Variants in HECA observed in about 807,000 individuals in gnomAD.
The protein encoded by HECA is headcase protein homolog.
Under a neutral mutation model 37.6 loss-of-function variants are expected in HECA, and 13 were observed. The ratio of observed to expected loss-of-function variants is 0.35; its 90% CI spans 0.23 to 0.55. The LOEUF is 0.55. HECA is among the 20% of genes least tolerant of loss of function. The probability of loss-of-function intolerance (pLI) is 0.90; values close to 1 mark genes in which losing one functional copy is unlikely to be tolerated. For missense variants in HECA, 527 were observed against 701.9 expected (o/e 0.75, Z 2.82); for synonymous variants, 307 against 291.5 (o/e 1.05, Z -0.54).
At chr6:139,151,661 A>G (rs1774652259) in intron 1 of HECA, among the ~76,000 whole-genome samples, 1 of 152,194 alleles carries the variant, frequency 6.6e-6, no homozygotes, top group African/African-American at 2.4e-5. Flanking sequence ...TTTATACTGT[A>G]ATTGAGTTTA....
chr6:139,156,597 G>A (rs1177386894), intron 1 of HECA, among the ~76,000 whole-genome samples: 2 of 152,212 alleles, frequency 1.3e-5, no homozygotes, highest in African/African-American at 2.4e-5. Context: ...GAAATTAGAT[G>A]TGATAAAAGA....
intron 1 of HECA, among the ~76,000 whole-genome samples, chr6:139,138,015 C>G (rs1774471847): frequency 6.6e-6 from 1 of 152,076 alleles, no homozygotes. Context: ...GTGAAGTCTT[C>G]GTGAATGATT....
At chr6:139,139,480 A>G (rs1774488435) in intron 1 of HECA, among the ~76,000 whole-genome samples, 1 of 152,250 alleles carries the variant, frequency 6.6e-6, no homozygotes, top group East Asian at 1.9e-4. Flanking sequence ...GATCCTGGAA[A>G]TAGCCTGAGC....
chr6:139,140,821 C>T (rs1774503962), intron 1 of HECA, among the ~76,000 whole-genome samples: 1 of 152,092 alleles, frequency 6.6e-6, no homozygotes, highest in Non-Finnish European at 1.5e-5. Flanking sequence ...GATGGAGTCT[C>T]GCTCTGTCAC....
intron 1 of HECA, among the ~76,000 whole-genome samples, chr6:139,148,814 C>T (rs966265105): frequency 6.6e-6 from 1 of 152,104 alleles, no homozygotes; most frequent in Admixed American, 6.5e-5. Context: ...CTTACCTCCT[C>T]TCCGAGTCTC....
chr6:139,136,696 G>C (rs1319931812), intron 1 of HECA, among the ~76,000 whole-genome samples: 1 of 151,260 alleles, frequency 6.6e-6, no homozygotes, highest in Non-Finnish European at 1.5e-5. Flanking sequence ...GCGTAGTGGC[G>C]CAATCTCGGC....
At chr6:139,136,283 A>G (rs980583650) in intron 1 of HECA, among the ~76,000 whole-genome samples, 11 of 150,240 alleles carry the variant, frequency 7.3e-5, no homozygotes, top group Admixed American at 4.0e-4. Context: ...AAAAAAAAAA[A>G]AAAGAAAAGA....
At chr6:139,161,979 T>G (rs967627096) in intron 1 of HECA, among the ~76,000 whole-genome samples, 21 of 152,250 alleles carry the variant, frequency 1.4e-4, no homozygotes, top group African/African-American at 5.1e-4. Flanking sequence ...CAGGTCTGAC[T>G]GTCTAGGATT....
chr6:139,136,624 A>G (rs1389961041), intron 1 of HECA, among the ~76,000 whole-genome samples: 1 of 149,214 alleles, frequency 6.7e-6, no homozygotes, highest in Non-Finnish European at 1.5e-5. Flanking sequence ...TATGTAGATC[A>G]GGCACTTTTT....
chr6:139,137,189 G>T (rs1582932621), intron 1 of HECA, among the ~76,000 whole-genome samples: 1 of 151,920 alleles, frequency 6.6e-6, no homozygotes, highest in Non-Finnish European at 1.5e-5. Flanking sequence ...CTTCATTTTG[G>T]TATTGATGTG....
chr6:139,139,112 C>T (rs1284941016), intron 1 of HECA, among the ~76,000 whole-genome samples: 1 of 152,166 alleles, frequency 6.6e-6, no homozygotes, highest in African/African-American at 2.4e-5. Flanking sequence ...TTCATCACTC[C>T]ACTCATTCCT....
At chr6:139,141,753 C>CTTT (rs200706578) in intron 1 of HECA, among the ~76,000 whole-genome samples, 1 of 78,176 alleles carries the variant, frequency 1.3e-5, no homozygotes, top group Non-Finnish European at 2.8e-5. Context: ...TAAACACCTT[C>CTTT]TTTTTTTTTT....
chr6:139,160,863 A>C (rs1562246589), intron 1 of HECA, among the ~76,000 whole-genome samples: 1 of 152,256 alleles, frequency 6.6e-6, no homozygotes, highest in South Asian at 2.1e-4. Context: ...ATGAAACTTT[A>C]CTATTTATAA....
At chr6:139,142,688 C>T (rs571555787) in intron 1 of HECA, among the ~76,000 whole-genome samples, 7 of 152,308 alleles carry the variant, frequency 4.6e-5, no homozygotes, top group Non-Finnish European at 1.0e-4. Context: ...TGGCTCACGA[C>T]TGTAATCCCA....
At chr6:139,150,846 G>A (rs553221318) in intron 1 of HECA, among the ~76,000 whole-genome samples, 90 of 152,248 alleles carry the variant, frequency 5.9e-4, no homozygotes, top group African/African-American at 2.1e-3. Context: ...ATCAATAGGA[G>A]TCTGTAACTC....
intron 1 of HECA, among the ~76,000 whole-genome samples, chr6:139,165,847 ATGT>A (rs1774876481): frequency 6.6e-6 from 1 of 152,058 alleles, no homozygotes; most frequent in Non-Finnish European, 1.5e-5. Context: ...GAGTACAACT[ATGT>A]TGTTCCCACT....
chr6:139,175,218 T>G lies in HECA; in HGVS notation c.1467+679T>G, dbSNP rs545885850. On this transcript the variant is annotated intron_variant, in intron 3 of 3. Coordinates refer to ENST00000367658, the MANE Select transcript of HECA (RefSeq NM_016217.3). ...ACAGGAGACAAAATGCTTGGAAATA[T>G]CTTGCTTTATTTCCAAGTGCTTGGG... 5.9e-5 allele frequency among the ~76,000 whole-genome samples: 9 copies of G among 152,312 alleles called. No homozygotes were observed. The South Asian group carries it at 1.0e-3, about 18-fold the overall frequency.
At position 139,167,009 on chromosome 6, in the gene HECA, A is replaced by AG. The variant is rs771658394; in HGVS notation, c.1004dup (p.His336ThrfsTer25). 9 of 1,614,090 alleles carry AG rather than the reference A, an allele frequency of 5.6e-6. No individual in the cohort carries two copies. Among genetic ancestry groups the AG allele is most frequent in the East Asian group, 2.2e-5 (1 of 44,870 alleles). On this transcript the variant is annotated frameshift_variant, in exon 2 of 4. Coordinates refer to ENST00000367658, the MANE Select transcript of HECA (RefSeq NM_016217.3). LOFTEE classifies it high-confidence loss of function. ...CAGCCCTGCGGGGTTGGCAGTTCAC[A>AG]GGGGGGGACACTTCGACACCCCCGT... is the stretch of plus-strand genomic sequence containing the variant.
In HECA at chr6:139,174,408, G is replaced by A. The variant is rs756267872; in HGVS notation, c.1336G>A (p.Val446Met). ...AGGGAGACTCATGCATCTGTATGCC[G>A]TGTGCGTGGACTGCCTGGAAGGGGT... The part of the protein sequence containing the change: ...LQGRLMHLYA[V>M]CVDCLEGVHK... The change falls in exon 3 of 4, where the codon GTG becomes ATG. Residue 446 changes from valine (V) to methionine (M), a missense_variant. Physicochemically the swap from Val to Met is conservative, Grantham distance 21. This residue lies in a region of HECA where 106 missense variants were observed against 193.4 expected (regional missense o/e 0.55). Coordinates refer to ENST00000367658, the MANE Select transcript of HECA (RefSeq NM_016217.3). 1.4e-5 allele frequency: 22 copies of A among 1,613,802 alleles called. No individual in the cohort carries two copies. Among genetic ancestry groups the A allele is most frequent in the East Asian group, 8.9e-5 (4 of 44,860 alleles).
Sources: gnomAD v4.1 joint callset for allele counts (sites outside exome capture counted in the v4.1 genomes callset) on GRCh38, gnomAD v4.1.1 for gene constraint, gnomAD v4.1.1 regional missense constraint, MANE v1.5 for transcripts, NCBI Gene and HGNC (gene_info 2026-07-23, HGNC 2026-07-21) for gene names.